RAP1GAP2: variants seen among roughly 807,000 people sequenced by gnomAD.
The protein encoded by RAP1GAP2 is RAP1 GTPase activating protein 2, also known as rap1 GTPase-activating protein 2.
RAP1GAP2 carries 27 observed loss-of-function variants against 95.0 expected under a neutral mutation model. That is an observed-to-expected ratio of 0.28 (90% CI 0.21 to 0.39). The LOEUF (loss-of-function observed/expected upper bound fraction) is 0.39, where lower values mean the gene tolerates loss of function less well. Among genes scored for constraint, RAP1GAP2 ranks in the 10% least tolerant of loss-of-function variants. The probability of loss-of-function intolerance (pLI) is 1.00; values close to 1 mark genes in which losing one functional copy is unlikely to be tolerated. For synonymous variants in RAP1GAP2, 373 were observed against 380.9 expected (o/e 0.98, Z 0.24); for missense variants, 771 against 970.0 (o/e 0.79, Z 2.72).
chr17:2,956,239 G>A (rs1045186273), intron 3 of RAP1GAP2, among the ~76,000 whole-genome samples: 1 of 152,332 alleles, frequency 6.6e-6, no homozygotes, highest in East Asian at 1.9e-4. Context: ...GGAGTTGGGC[G>A]CGGGTGCCCT....
chr17:2,783,096 C>G (rs1360096295), intron 1 of RAP1GAP2, among the ~76,000 whole-genome samples: 1 of 152,214 alleles, frequency 6.6e-6, no homozygotes, highest in Non-Finnish European at 1.5e-5. Context: ...GCCTGGGTTA[C>G]TTCCACAAGG....
At chr17:2,950,019 T>G (rs879793463) in intron 3 of RAP1GAP2, among the ~76,000 whole-genome samples, 30 of 151,656 alleles carry the variant, frequency 2.0e-4, no homozygotes, top group Non-Finnish European at 4.3e-4. Flanking sequence ...CCATGGGGCA[T>G]CTTCATTCAG....
chr17:2,922,586 G>A (rs2042815487), intron 3 of RAP1GAP2, among the ~76,000 whole-genome samples: 1 of 152,098 alleles, frequency 6.6e-6, no homozygotes, highest in Admixed American at 6.6e-5. Flanking sequence ...TGAGGTACAG[G>A]GTGTTGCGGG....
chr17:2,777,846 C>T (rs2068538868), intron 1 of RAP1GAP2, among the ~76,000 whole-genome samples: 2 of 152,142 alleles, frequency 1.3e-5, no homozygotes, highest in Admixed American at 1.3e-4. Flanking sequence ...GACCCTGGGG[C>T]CATCCCTCAA....
chr17:2,897,921 CT>C lies in RAP1GAP2; in HGVS notation c.81-7346del, dbSNP rs139128312. On this transcript the variant is annotated intron_variant, in intron 2 of 24. Coordinates refer to ENST00000254695, the MANE Select transcript of RAP1GAP2 (RefSeq NM_015085.5). The stretch of plus-strand genomic sequence containing the variant: ...TGCCATTTTGCAATTTCTGCGGAGT[CT>C]TTTTTTTTTTTTTTTTGAGACAGGG... 5.8e-3 allele frequency among the ~76,000 whole-genome samples: 790 copies of C among 135,114 alleles called. 8 individuals carry two copies. The highest frequency in any genetic ancestry group is 0.017 in the African/African-American group (623 of 36,082). The allele number at this position is 135,114 out of a possible 152,430, so 88.6% of individuals were successfully genotyped here. A position where few individuals can be genotyped will look rare whatever the true frequency, so the allele number is the denominator to read the frequency against.
rs752148993 is a variant in RAP1GAP2 at position 3,027,012 on chromosome 17, C to T, written c.2049C>T (p.Ser683=). The T allele has an allele frequency of 1.7e-5, 26 of 1,568,034 alleles. 1 individual carries two copies. The Admixed American group carries it at 2.4e-4, about 15-fold the overall frequency. Residue 683 remains serine, a synonymous_variant, in exon 22 of 25, where the codon AGC becomes AGT. Coordinates refer to ENST00000254695, the MANE Select transcript of RAP1GAP2 (RefSeq NM_015085.5). This position sits in a 1 kb window ranked among gnomAD's most constrained non-coding sequence, Gnocchi z 5.2. ...TTGTCTACAGCCCGTCCCCGAGCAG[C>T]GAGAGCCCCAGCCTGGGGGCAGCTG... The part of the protein sequence containing the change: ...EVFVYSPSPS[S]ESPSLGAAAT...
At chr17:2,828,965 C>G (rs2070712015) in intron 2 of RAP1GAP2, among the ~76,000 whole-genome samples, 1 of 142,962 alleles carries the variant, frequency 7.0e-6, no homozygotes, top group Non-Finnish European at 1.5e-5. Flanking sequence ...AGGTTCCTGT[C>G]TCAAAGATTA....
intron 2 of RAP1GAP2, among the ~76,000 whole-genome samples, chr17:2,852,608 AAAC>A (rs199580171): frequency 0.015 from 2,221 of 152,164 alleles, 42 homozygotes; most frequent in African/African-American, 0.05. Flanking sequence ...ACAAAAAACA[AAAC>A]AACAACAAAA....
intron 2 of RAP1GAP2, among the ~76,000 whole-genome samples, chr17:2,891,257 C>T (rs1314990458): frequency 6.6e-6 from 1 of 151,978 alleles, no homozygotes; most frequent in Non-Finnish European, 1.5e-5. Flanking sequence ...AAGCGATCCC[C>T]CTACCTCAGC....
intron 2 of RAP1GAP2, among the ~76,000 whole-genome samples, chr17:2,808,890 C>T (rs2069635243): frequency 6.6e-6 from 1 of 152,152 alleles, no homozygotes; most frequent in African/African-American, 2.4e-5. Context: ...ATGTGGGTGC[C>T]TATGTGGTGC....
In RAP1GAP2 at chr17:2,797,674, C is replaced by T; in HGVS notation, c.44+1103C>T. The T allele has an allele frequency of 5.1e-6, 5 of 985,068 alleles. No homozygotes were observed. The highest frequency in any genetic ancestry group is 6.0e-6 in the Non-Finnish European group (5 of 829,624). The allele number at this position is 985,068 out of a possible 1,614,324, so 61.0% of individuals were successfully genotyped here. On this transcript the variant is annotated intron_variant, in intron 1 of 24. Coordinates refer to ENST00000254695, the MANE Select transcript of RAP1GAP2 (RefSeq NM_015085.5). This position sits in a 1 kb window ranked among gnomAD's most constrained non-coding sequence, Gnocchi z 5.6. ...CTCTGGCAGGGGGGGACTGTGGGCA[C>T]TCCATGTTTGGCAGATGGGATGGTG...
chr17:2,873,470 G>A (rs1332957811), intron 2 of RAP1GAP2, among the ~76,000 whole-genome samples: 5 of 54,080 alleles, frequency 9.2e-5, no homozygotes, highest in African/African-American at 3.2e-4. Flanking sequence ...ATGAGACCCT[G>A]TCTCAAAAAA....
intron 2 of RAP1GAP2, among the ~76,000 whole-genome samples, chr17:2,860,594 CTTTTTTTTTTTT>C (rs561492877): frequency 0.01 from 1,005 of 96,060 alleles, 14 homozygotes; most frequent in African/African-American, 0.042. Context: ...ACTTATTTAT[CTTTTTTTTTTTT>C]TTTTTTTTTT....
chr17:2,998,997 G>T (rs757100724), intron 14 of RAP1GAP2, among the ~76,000 whole-genome samples: 39 of 152,160 alleles, frequency 2.6e-4, no homozygotes, highest in Non-Finnish European at 4.0e-4. Flanking sequence ...CTGGCCACTG[G>T]GTAAGGCCCT....
At chr17:2,995,832 G>A (rs958816574) in intron 13 of RAP1GAP2, among the ~76,000 whole-genome samples, 5 of 152,202 alleles carry the variant, frequency 3.3e-5, no homozygotes, top group Non-Finnish European at 7.3e-5. Flanking sequence ...TGGGGGCCCT[G>A]GTCATAGAGG....
chr17:3,013,627 CTTTTCTTTTTTTTTTT>C (rs1277591962), intron 17 of RAP1GAP2, among the ~76,000 whole-genome samples: 1 of 78,930 alleles, frequency 1.3e-5, no homozygotes, highest in Non-Finnish European at 2.4e-5. Flanking sequence ...CTTTTCTTTT[CTTTTCTTTTTTTTTTT>C]TTTTTTTTTT....
rs1308289165 is a variant in RAP1GAP2 at position 3,005,337 on chromosome 17, C to A, written c.1201-32C>A. On this transcript the variant is annotated intron_variant, in intron 14 of 24. Transcript: ENST00000254695. The surrounding 1 kb of genome is among the most constrained non-coding windows in gnomAD (Gnocchi z 5.2). ...TAGGGGCAGCGCTCGTCTCTTCCCTCCAGGTCCGTACCATGACTCTGTTTC... is the reference window on the plus strand; with the variant it reads ...TAGGGGCAGCGCTCGTCTCTTCCCTACAGGTCCGTACCATGACTCTGTTTC... The A allele has an allele frequency of 6.2e-7, 1 of 1,603,582 alleles. No homozygotes were observed.
intron 8 of RAP1GAP2, among the ~76,000 whole-genome samples, chr17:2,970,055 C>T (rs1205228859): frequency 6.6e-6 from 1 of 151,834 alleles, no homozygotes; most frequent in African/African-American, 2.4e-5. Context: ...AGATGGCTCA[C>T]CTGAGGTCAG....
Position 2,902,741 on chromosome 17 carries a change from G to C in RAP1GAP2, c.81-2543G>C, listed in dbSNP as rs1053467566. 1.3e-5 allele frequency among the ~76,000 whole-genome samples: 2 copies of C among 152,100 alleles called. No individual in the cohort carries two copies. The highest frequency in any genetic ancestry group is 4.8e-5 in the African/African-American group (2 of 41,438). On this transcript the variant is annotated intron_variant, in intron 2 of 24. Transcript: ENST00000254695. The surrounding 1 kb of genome is among the most constrained non-coding windows in gnomAD (Gnocchi z 4.1). ...AGTCTGCCTCGCTTCCTAGAGACCG[G>C]CCCCAGGAGCTTATCCAGTGTCCAG...
Sources: allele counts gnomAD v4.1 joint callset (sites outside exome capture counted in the v4.1 genomes callset), GRCh38; gene constraint gnomAD v4.1.1; non-coding constraint Gnocchi (gnomAD v3.1); transcripts MANE v1.5; gene names NCBI Gene and HGNC (gene_info 2026-07-23, HGNC 2026-07-21).